Variants in ZDHHC14 observed in about 807,000 individuals in gnomAD.
ZDHHC14 encodes the protein palmitoyltransferase ZDHHC14.
In ZDHHC14, 16 loss-of-function variants were observed where a neutral mutation model predicts 47.7. That is an observed-to-expected ratio of 0.34 (90% CI 0.23 to 0.51). ZDHHC14 has a LOEUF of 0.51. Ranked by LOEUF, ZDHHC14 falls within the 20% of genes least tolerant of loss-of-function variation. The pLI is 0.97. For missense variants in ZDHHC14, 515 were observed against 662.5 expected, an observed-to-expected ratio of 0.78 and a Z score of 2.44; for synonymous variants, 293 against 278.9, an observed-to-expected ratio of 1.05 and a Z score of -0.50.
intron 3 of ZDHHC14, among the ~76,000 whole-genome samples, chr6:157,604,470 A>G (rs1562503069): frequency 6.6e-6 from 1 of 152,124 alleles, no homozygotes; most frequent in Non-Finnish European, 1.5e-5. Context: ...TGTTTACTAG[A>G]ACAATACAGC....
intron 1 of ZDHHC14, among the ~76,000 whole-genome samples, chr6:157,445,210 G>C (rs1278693298): frequency 6.6e-6 from 1 of 150,538 alleles, no homozygotes; most frequent in Non-Finnish European, 1.5e-5. Context: ...ATAAAAACCT[G>C]TTGAAAATAA....
chr6:157,614,650 C>T (rs1223698945), intron 3 of ZDHHC14, among the ~76,000 whole-genome samples: 1 of 152,196 alleles, frequency 6.6e-6, no homozygotes, highest in Non-Finnish European at 1.5e-5. Flanking sequence ...ATCACATTCC[C>T]AGGCCGTAAC....
At chr6:157,625,855 T>A (rs988069437) in intron 3 of ZDHHC14, among the ~76,000 whole-genome samples, 2 of 152,122 alleles carry the variant, frequency 1.3e-5, no homozygotes, top group Non-Finnish European at 2.9e-5. Flanking sequence ...TACAAGTTTC[T>A]AGACAGGAAC....
chr6:157,599,392 T>A (rs1784256731), intron 3 of ZDHHC14, among the ~76,000 whole-genome samples: 1 of 152,202 alleles, frequency 6.6e-6, no homozygotes, highest in Non-Finnish European at 1.5e-5. Context: ...GACGAAACTC[T>A]GACTGTCTTC....
At chr6:157,545,410 C>T (rs971290107) in intron 2 of ZDHHC14, among the ~76,000 whole-genome samples, 1 of 151,704 alleles carries the variant, frequency 6.6e-6, no homozygotes, top group Non-Finnish European at 1.5e-5. Context: ...GGCGCAGTGG[C>T]TCACGCCTGT....
In ZDHHC14 at chr6:157,485,338, T is replaced by C. The variant is rs374051683; in HGVS notation, c.246-57247T>C. Among the ~76,000 whole-genome samples, 17 of 152,178 alleles carry C rather than the reference T, an allele frequency of 1.1e-4. No individual in the cohort carries two copies. The South Asian group carries it at 2.3e-3, about 20-fold the overall frequency. On this transcript the variant is annotated intron_variant, in intron 1 of 8. Coordinates refer to ENST00000359775, the MANE Select transcript of ZDHHC14 (RefSeq NM_024630.3). ...CCCGGGATCCACCCCTGGGAGGCAG[T>C]TTTGTTGGAGGAAAGGTCTCCACGA... is the stretch of plus-strand genomic sequence containing the variant.
chr6:157,433,970 C>A (rs1241298822), intron 1 of ZDHHC14, among the ~76,000 whole-genome samples: 1 of 152,090 alleles, frequency 6.6e-6, no homozygotes, highest in Admixed American at 6.6e-5. Flanking sequence ...GGTAATTGTA[C>A]CAGTATGTGA....
At chr6:157,477,459 CAA>C (rs542224913) in intron 1 of ZDHHC14, among the ~76,000 whole-genome samples, 13 of 152,294 alleles carry the variant, frequency 8.5e-5, no homozygotes, top group African/African-American at 2.6e-4. Flanking sequence ...AGATAACCCT[CAA>C]GATTTCACCA....
At chr6:157,550,254 A>C (rs1782166444) in intron 2 of ZDHHC14, among the ~76,000 whole-genome samples, 1 of 152,276 alleles carries the variant, frequency 6.6e-6, no homozygotes. Context: ...AGCATCACAC[A>C]GACACTCTAG....
At position 157,486,098 on chromosome 6, in the gene ZDHHC14, T is replaced by C. The variant is rs144721351; in HGVS notation, c.246-56487T>C. Among the ~76,000 whole-genome samples the C allele has an allele frequency of 2.8e-3, 422 of 152,346 alleles. 4 individuals carry two copies. Among genetic ancestry groups the C allele is most frequent in the African/African-American group, 0.01 (417 of 41,578 alleles). On this transcript the variant is annotated intron_variant, in intron 1 of 8. Transcript: ENST00000359775. ...GGCAATGAGGTGACTGTGTTAGTTC[T>C]ATTCCGTGGTGTTTATCATTCCATG...
intron 1 of ZDHHC14, among the ~76,000 whole-genome samples, chr6:157,447,732 T>G (rs1778713388): frequency 1.3e-5 from 2 of 152,172 alleles, no homozygotes; most frequent in Non-Finnish European, 2.9e-5. Flanking sequence ...TTGGTTTAAG[T>G]TTTTACCTTA....
Position 157,582,696 on chromosome 6 carries a change from A to G in ZDHHC14, c.407-10292A>G, listed in dbSNP as rs1783558701. On this transcript the variant is annotated intron_variant, in intron 2 of 8. Coordinates refer to ENST00000359775, the MANE Select transcript of ZDHHC14 (RefSeq NM_024630.3). The surrounding 1 kb of genome is among the most constrained non-coding windows in gnomAD (Gnocchi z 4.3). Reference sequence around the variant, plus strand: ...CATTTTCATCTTGGAGAATCTGATGATTATGTGTCTTGGGGATATTCTTCT... The same window carrying G: ...CATTTTCATCTTGGAGAATCTGATGGTTATGTGTCTTGGGGATATTCTTCT... Among the ~76,000 whole-genome samples, 1 of 152,020 alleles carries G rather than the reference A, an allele frequency of 6.6e-6. No homozygotes were observed. Among genetic ancestry groups the G allele is most frequent in the Admixed American group, 6.6e-5 (1 of 15,260 alleles).
chr6:157,627,491 AG>A (rs1171403205), intron 3 of ZDHHC14, among the ~76,000 whole-genome samples: 1 of 152,244 alleles, frequency 6.6e-6, no homozygotes, highest in East Asian at 1.9e-4. Context: ...ATTACTTGCA[AG>A]GGGAAGAACA....
chr6:157,567,390 C>T (rs1366072980), intron 2 of ZDHHC14, among the ~76,000 whole-genome samples: 1 of 152,092 alleles, frequency 6.6e-6, no homozygotes, highest in African/African-American at 2.4e-5. Context: ...TAATTTTGTC[C>T]CCATTCCTCA....
At chr6:157,432,794 A>T in intron 1 of ZDHHC14, among the ~76,000 whole-genome samples, 1 of 152,176 alleles carries the variant, frequency 6.6e-6, no homozygotes. Flanking sequence ...CTATAGTGAC[A>T]CTAAGGTAAC....
intron 1 of ZDHHC14, among the ~76,000 whole-genome samples, chr6:157,383,172 A>G (rs1406995989): frequency 1.3e-5 from 2 of 152,260 alleles, no homozygotes; most frequent in African/African-American, 2.4e-5. Context: ...TAAAGCAGTT[A>G]AACCACATTC....
At chr6:157,593,289 C>A in intron 3 of ZDHHC14, 143 bp downstream of exon 3, 2 of 1,091,360 alleles carry the variant, frequency 1.8e-6, no homozygotes, top group Non-Finnish European at 2.6e-6. Flanking sequence ...GTTCACCGGG[C>A]CTAGAGTCAC....
intron 8 of ZDHHC14, among the ~76,000 whole-genome samples, chr6:157,656,745 G>GC (rs1336189067): frequency 1.3e-5 from 2 of 148,504 alleles, no homozygotes; most frequent in Non-Finnish European, 3.0e-5. Context: ...AAGACTCCTT[G>GC]CCCTCCTGTT....
At chr6:157,649,161 G>A (rs1411123045) in intron 7 of ZDHHC14, among the ~76,000 whole-genome samples, 3 of 152,172 alleles carry the variant, frequency 2.0e-5, no homozygotes, top group South Asian at 2.1e-4. Context: ...TGTTTGAATC[G>A]TTTGTTAAAA....
Sources: gnomAD v4.1 joint callset for allele counts (sites outside exome capture counted in the v4.1 genomes callset) on GRCh38, gnomAD v4.1.1 for gene constraint, Gnocchi (gnomAD v3.1) non-coding constraint, MANE v1.5 for transcripts, NCBI Gene and HGNC (gene_info 2026-07-23, HGNC 2026-07-21) for gene names.